The following COLEC12 variants were observed in gnomAD, a reference collection of about 807,000 sequenced individuals.
COLEC12 encodes the protein collectin subfamily member 12, also known as collectin-12.
In COLEC12, 33 loss-of-function variants were observed where a neutral mutation model predicts 71.1. The observed-to-expected ratio is 0.46, with a 90% CI of 0.35 to 0.62. The LOEUF (loss-of-function observed/expected upper bound fraction) is 0.62. Among genes scored for constraint, COLEC12 ranks in the 20% least tolerant of loss-of-function variants. COLEC12 has a pLI of 0.00. For missense variants in COLEC12, 765 were observed against 916.1 expected (o/e 0.84, Z 2.13); for synonymous variants, 350 against 353.0 (o/e 0.99, Z 0.10).
At chr18:354,882 T>C (rs1914597422) in intron 3 of COLEC12, among the ~76,000 whole-genome samples, 1 of 152,154 alleles carries the variant, frequency 6.6e-6, no homozygotes, top group Non-Finnish European at 1.5e-5. Context: ...TTGGTGAGAC[T>C]GCCCCCACAG....
intron 2 of COLEC12, among the ~76,000 whole-genome samples, chr18:472,263 C>T (rs746967280): frequency 7.9e-5 from 12 of 152,166 alleles, no homozygotes; most frequent in Admixed American, 2.0e-4. Context: ...CTCTTAGCCA[C>T]GATGACAGGT....
intron 2 of COLEC12, among the ~76,000 whole-genome samples, chr18:410,028 G>A (rs1915863221): frequency 6.6e-6 from 1 of 152,204 alleles, no homozygotes; most frequent in African/African-American, 2.4e-5. Context: ...CTGAACTTCA[G>A]TTCTCACCTC....
In COLEC12 at chr18:500,131, G is replaced by A. The variant is rs1458595673; in HGVS notation, c.7+377C>T. Reference sequence around the variant, plus strand: ...GAGGAGAGAGGACTGGGCGAGCGTGGGGAGCGCTGCGGCGTGGAAAAGCGA... The same window carrying A: ...GAGGAGAGAGGACTGGGCGAGCGTGAGGAGCGCTGCGGCGTGGAAAAGCGA... On this transcript the variant is annotated intron_variant, in intron 1 of 9. Transcript: ENST00000400256. The surrounding 1 kb of genome is among the most constrained non-coding windows in gnomAD (Gnocchi z 5.3). Among the ~76,000 whole-genome samples the A allele has an allele frequency of 6.6e-6, 1 of 152,222 alleles. No individual in the cohort carries two copies. The highest frequency in any genetic ancestry group is 1.5e-5 in the Non-Finnish European group (1 of 68,032).
chr18:336,953 T>G (rs1220656822), intron 5 of COLEC12, among the ~76,000 whole-genome samples: 3 of 152,008 alleles, frequency 2.0e-5, no homozygotes, highest in African/African-American at 7.2e-5. Flanking sequence ...ACTCTTGGGC[T>G]GAAGCAATCC....
chr18:337,151 G>C (rs565012442), intron 5 of COLEC12, among the ~76,000 whole-genome samples: 1 of 152,226 alleles, frequency 6.6e-6, no homozygotes, highest in East Asian at 1.9e-4. Context: ...GATTACAGGT[G>C]TGAGCCACTG....
chr18:340,197 G>GT (rs1914218966), intron 5 of COLEC12, among the ~76,000 whole-genome samples: 1 of 151,954 alleles, frequency 6.6e-6, no homozygotes, highest in Non-Finnish European at 1.5e-5. Context: ...CTACGTGGAA[G>GT]GACATTTGAG....
At chr18:418,927 C>T (rs1354131278) in intron 2 of COLEC12, among the ~76,000 whole-genome samples, 3 of 152,154 alleles carry the variant, frequency 2.0e-5, no homozygotes, top group Non-Finnish European at 4.4e-5. Context: ...TGATTTCTTT[C>T]TTGTGCGAGA....
At chr18:395,994 A>G (rs936354263) in intron 2 of COLEC12, among the ~76,000 whole-genome samples, 5 of 152,168 alleles carry the variant, frequency 3.3e-5, no homozygotes, top group African/African-American at 1.2e-4. Context: ...AGAGCACACA[A>G]TGTGGTGGAG....
At chr18:470,658 G>A (rs923670000) in intron 2 of COLEC12, among the ~76,000 whole-genome samples, 3 of 152,130 alleles carry the variant, frequency 2.0e-5, no homozygotes, top group Non-Finnish European at 4.4e-5. Context: ...AGGAGGCTGA[G>A]GTGGGAGAAT....
chr18:388,499 T>C (rs899997569), intron 2 of COLEC12, among the ~76,000 whole-genome samples: 1 of 152,242 alleles, frequency 6.6e-6, no homozygotes, highest in Non-Finnish European at 1.5e-5. Context: ...TCAGCCTCTT[T>C]ATGAAACGAT....
intron 5 of COLEC12, among the ~76,000 whole-genome samples, chr18:340,621 A>G (rs777354597): frequency 9.2e-5 from 14 of 152,220 alleles, no homozygotes; most frequent in Non-Finnish European, 1.8e-4. Context: ...AAGAGAAACC[A>G]CTTTAATTCT....
At chr18:478,761 A>G (rs575478076) in intron 2 of COLEC12, among the ~76,000 whole-genome samples, 1 of 152,270 alleles carries the variant, frequency 6.6e-6, no homozygotes, top group Admixed American at 6.5e-5. Context: ...TCTTTCATAG[A>G]CTATTCCAAG....
chr18:496,908 C>T (rs968334296), intron 1 of COLEC12, among the ~76,000 whole-genome samples: 1 of 152,118 alleles, frequency 6.6e-6, no homozygotes, highest in Non-Finnish European at 1.5e-5. Context: ...TAACGACACA[C>T]GTAACTCTAG....
intron 2 of COLEC12, among the ~76,000 whole-genome samples, chr18:439,797 G>A (rs1340633055): frequency 2.0e-5 from 3 of 152,114 alleles, no homozygotes; most frequent in Non-Finnish European, 4.4e-5. Context: ...TGCAAAAAAA[G>A]TAAAAACAGA....
chr18:431,499 C>CTA (rs1916304042), intron 2 of COLEC12, among the ~76,000 whole-genome samples: 1 of 152,212 alleles, frequency 6.6e-6, no homozygotes, highest in African/African-American at 2.4e-5. Flanking sequence ...AATGAATAAC[C>CTA]TATAGACTGC....
intron 2 of COLEC12, among the ~76,000 whole-genome samples, chr18:475,056 A>G (rs950064993): frequency 6.6e-6 from 1 of 151,550 alleles, no homozygotes; most frequent in African/African-American, 2.4e-5. Context: ...CCTGGGCGAC[A>G]AGAGCTAAAC....
chr18:332,880 T>C lies in COLEC12; in HGVS notation c.1953+127A>G, dbSNP rs573436623. 19 of 795,494 alleles carry C rather than the reference T, an allele frequency of 2.4e-5. No homozygotes were observed. The African/African-American group carries it at 3.0e-4, about 12-fold the overall frequency. The allele number at this position is 795,494 out of a possible 1,614,324, so 49.3% of individuals were successfully genotyped here. A position where few individuals can be genotyped will look rare whatever the true frequency, so the allele number is the denominator to read the frequency against. ...CTGGATGAAACCCAAATCTCTGTAA[T>C]GTTGCCTCCCATGTTTACGTGACTA... On this transcript the variant is annotated intron_variant, in intron 7 of 9. Coordinates refer to ENST00000400256, the MANE Select transcript of COLEC12 (RefSeq NM_130386.3).
chr18:336,097 A>G (rs962327038), intron 5 of COLEC12, among the ~76,000 whole-genome samples: 1 of 152,212 alleles, frequency 6.6e-6, no homozygotes, highest in African/African-American at 2.4e-5. Flanking sequence ...GAACTGAAGG[A>G]GATTGATGTA....
At position 453,107 on chromosome 18, in the gene COLEC12, T is replaced by C. The variant is rs116148288; in HGVS notation, c.58+27600A>G. Reference sequence around the variant, plus strand: ...GAGGTCTCTGGGGTTTGGTGGTTTATTTTGCTTCTTTCTCCACCCCAGTCC... The same window carrying C: ...GAGGTCTCTGGGGTTTGGTGGTTTACTTTGCTTCTTTCTCCACCCCAGTCC... On this transcript the variant is annotated intron_variant, in intron 2 of 9. Coordinates refer to ENST00000400256, the MANE Select transcript of COLEC12 (RefSeq NM_130386.3). Among the ~76,000 whole-genome samples, 205 of 152,320 alleles carry C rather than the reference T, an allele frequency of 1.3e-3. 2 individuals carry two copies. The highest frequency in any genetic ancestry group is 4.8e-3 in the African/African-American group (200 of 41,574).
Sources: allele counts gnomAD v4.1 joint callset (sites outside exome capture counted in the v4.1 genomes callset), GRCh38; gene constraint gnomAD v4.1.1; non-coding constraint Gnocchi (gnomAD v3.1); transcripts MANE v1.5; gene names NCBI Gene and HGNC (gene_info 2026-07-23, HGNC 2026-07-21).